Variants in CASD1 observed in about 807,000 individuals in gnomAD.
The protein encoded by CASD1 is N-acetylneuraminate (7)9-O-acetyltransferase.
In CASD1, 41 loss-of-function variants were observed where a neutral mutation model predicts 100.0. The ratio of observed to expected loss-of-function variants is 0.41; its 90% CI spans 0.32 to 0.53. CASD1 has a LOEUF of 0.53. Among genes scored for constraint, CASD1 ranks in the 20% least tolerant of loss-of-function variants. CASD1 has a pLI of 0.25. For missense variants in CASD1, 774 were observed against 948.7 expected (o/e 0.82, Z 2.42); for synonymous variants, 321 against 315.6 (o/e 1.02, Z -0.18).
At chr7:94,575,297 A>T in the CASD1 span, among the ~76,000 whole-genome samples, 4 of 152,002 alleles carry the variant, frequency 2.6e-5, no homozygotes, top group African/African-American at 9.7e-5. Context: ...CCTTAATTTC[A>T]TTATTTACCC....
At chr7:94,588,013 A>G in the CASD1 span, 1 of 1,396,046 alleles carries the variant, frequency 7.2e-7, no homozygotes, top group Non-Finnish European at 9.2e-7. Flanking sequence ...AAAGGCATTA[A>G]TGGTTCCCTG....
the CASD1 span, among the ~76,000 whole-genome samples, chr7:94,578,513 CCTT>C: frequency 6.6e-6 from 1 of 152,070 alleles, no homozygotes; most frequent in Non-Finnish European, 1.5e-5. Context: ...TTTCTGTTGG[CCTT>C]CTTTTCACCC....
At chr7:94,568,311 C>T in the CASD1 span, among the ~76,000 whole-genome samples, 1 of 151,962 alleles carries the variant, frequency 6.6e-6, no homozygotes, top group Non-Finnish European at 1.5e-5. Context: ...ATAATACTGG[C>T]AAGAAGGTTG....
At chr7:94,614,014 A>G in the CASD1 span, among the ~76,000 whole-genome samples, 1 of 151,336 alleles carries the variant, frequency 6.6e-6, no homozygotes, top group Non-Finnish European at 1.5e-5. Context: ...ACCAGAAATT[A>G]GGAAAACATT....
At chr7:94,559,302 G>GTGTGTGTGTA (rs1346951750), downstream of CASD1, among the ~76,000 whole-genome samples, 197 of 138,284 alleles carry the variant, frequency 1.4e-3, 1 homozygote, top group African/African-American at 4.7e-3. Flanking sequence ...GTGTGTGTGT[G>GTGTGTGTGTA]TGTATGTGTG....
At chr7:94,597,065 T>G in the CASD1 span, among the ~76,000 whole-genome samples, 1 of 152,152 alleles carries the variant, frequency 6.6e-6, no homozygotes, top group Non-Finnish European at 1.5e-5. Context: ...TAAACTGGGT[T>G]TTATGATGAC....
At chr7:94,614,060 C>G in the CASD1 span, among the ~76,000 whole-genome samples, 1 of 138,188 alleles carries the variant, frequency 7.2e-6, no homozygotes, top group Admixed American at 7.8e-5. Flanking sequence ...TCTTGCAAGC[C>G]AGAGCACTGC....
chr7:94,603,756 G>GATTACTATATTTAGTA, the CASD1 span, among the ~76,000 whole-genome samples: 559 of 151,812 alleles, frequency 3.7e-3, 3 homozygotes, highest in African/African-American at 0.013. Flanking sequence ...ATCATATTCT[G>GATTACTATATTTAGTA]ATTACTATAT....
chr7:94,510,405 G>T (rs76297315), intron 1 of CASD1, among the ~76,000 whole-genome samples, 188 bp downstream of exon 1: 3,972 of 152,244 alleles, frequency 0.026, 80 homozygotes, highest in Non-Finnish European at 0.039. Context: ...GACCCCAGTG[G>T]GGGCCACCAA....
At chr7:94,563,332 T>G in the CASD1 span, among the ~76,000 whole-genome samples, 1 of 152,164 alleles carries the variant, frequency 6.6e-6, no homozygotes, top group Non-Finnish European at 1.5e-5. Context: ...GAGATAATAG[T>G]TAAGCTCTGG....
At chr7:94,516,239 A>G (rs556182111) in intron 1 of CASD1, among the ~76,000 whole-genome samples, 3 of 152,222 alleles carry the variant, frequency 2.0e-5, no homozygotes, top group South Asian at 2.1e-4. Context: ...TTTCCCATCA[A>G]TAAGATAATG....
At chr7:94,574,976 A>T in the CASD1 span, among the ~76,000 whole-genome samples, 2 of 152,082 alleles carry the variant, frequency 1.3e-5, no homozygotes, top group Non-Finnish European at 2.9e-5. Flanking sequence ...TCTCAAAACA[A>T]ACAAACAAAC....
intron 1 of CASD1, among the ~76,000 whole-genome samples, chr7:94,515,116 CTCT>C (rs1793909741): frequency 6.6e-6 from 1 of 151,810 alleles, no homozygotes; most frequent in African/African-American, 2.4e-5. Context: ...AAAAGTCATT[CTCT>C]TCTTGCTTTT....
At chr7:94,521,319 A>G (rs1056364423) in intron 3 of CASD1, among the ~76,000 whole-genome samples, 4 of 152,224 alleles carry the variant, frequency 2.6e-5, no homozygotes, top group Admixed American at 1.3e-4. Flanking sequence ...TCTGAAATGT[A>G]AGAAGCAATG....
chr7:94,558,270 A>G (rs1483250392), downstream of CASD1, among the ~76,000 whole-genome samples: 1 of 152,168 alleles, frequency 6.6e-6, no homozygotes, highest in Non-Finnish European at 1.5e-5. Context: ...AAACCTTAAA[A>G]CGGGAATGCA....
At chr7:94,599,784 T>A in the CASD1 span, 1 of 1,144,282 alleles carries the variant, frequency 8.7e-7, no homozygotes, top group Non-Finnish European at 1.3e-6. Context: ...ACATTAAGAC[T>A]ATATGCTCAT....
At chr7:94,530,612 A>G (rs545954345) in intron 5 of CASD1, among the ~76,000 whole-genome samples, 1 of 152,302 alleles carries the variant, frequency 6.6e-6, no homozygotes, top group South Asian at 2.1e-4. Flanking sequence ...GTGGAAGGAA[A>G]TTAGGCTAAC....
chr7:94,588,080 A>C, the CASD1 span: 4 of 1,316,796 alleles, frequency 3.0e-6, no homozygotes, highest in Non-Finnish European at 3.9e-6. Flanking sequence ...TAAGTTATCT[A>C]CTCAGTATAG....
chr7:94,575,611 G>A, the CASD1 span, among the ~76,000 whole-genome samples: 92 of 152,210 alleles, frequency 6.0e-4, no homozygotes, highest in East Asian at 2.1e-3. Flanking sequence ...AATTTTCTGC[G>A]TCAGTGATCT....
Sources: gnomAD v4.1 joint callset for allele counts (sites outside exome capture counted in the v4.1 genomes callset) on GRCh38, gnomAD v4.1.1 for gene constraint, MANE v1.5 for transcripts, NCBI Gene and HGNC (gene_info 2026-07-23, HGNC 2026-07-21) for gene names.